Variants in LIMD1 observed in about 807,000 individuals in gnomAD.
LIMD1 encodes LIM domain containing 1, also known as LIM domain-containing protein 1.
In LIMD1, 23 loss-of-function variants were observed where a neutral mutation model predicts 58.4. The observed-to-expected ratio is 0.39, with a 90% CI of 0.28 to 0.56. LIMD1 has a LOEUF of 0.56. LIMD1 is among the 20% of genes least tolerant of loss of function. The pLI is 0.57. For synonymous variants in LIMD1, 334 were observed against 345.5 expected (o/e 0.97, Z 0.37); for missense variants, 838 against 855.5 (o/e 0.98, Z 0.25).
intron 2 of LIMD1, among the ~76,000 whole-genome samples, chr3:45,640,200 C>T (rs61133550): frequency 0.03 from 4,612 of 152,310 alleles, 76 homozygotes; most frequent in Non-Finnish European, 0.041. Context: ...TTATCACTTC[C>T]TGTTTCCTAT....
At chr3:45,643,976 T>C (rs1301417981) in intron 2 of LIMD1, among the ~76,000 whole-genome samples, 1 of 152,212 alleles carries the variant, frequency 6.6e-6, no homozygotes, top group Non-Finnish European at 1.5e-5. Context: ...TTATATACCA[T>C]TGCTCATTTC....
intron 2 of LIMD1, among the ~76,000 whole-genome samples, chr3:45,649,197 T>C (rs919070003): frequency 4.6e-5 from 7 of 152,162 alleles, no homozygotes; most frequent in African/African-American, 1.7e-4. Context: ...AAAGTCTCAC[T>C]TGTCCTCGCA....
intron 1 of LIMD1, among the ~76,000 whole-genome samples, chr3:45,632,922 G>A (rs1463342722): frequency 6.6e-6 from 1 of 152,236 alleles, no homozygotes; most frequent in Non-Finnish European, 1.5e-5. Context: ...AAGATGAGTG[G>A]TGATGCCTCA....
At chr3:45,640,872 TGG>T (rs1194278050) in intron 2 of LIMD1, among the ~76,000 whole-genome samples, 1 of 152,232 alleles carries the variant, frequency 6.6e-6, no homozygotes, top group Non-Finnish European at 1.5e-5. Context: ...CTGTTTGCCC[TGG>T]GGCTGCACAC....
intron 7 of LIMD1, among the ~76,000 whole-genome samples, chr3:45,676,125 C>G (rs1697666696): frequency 6.6e-6 from 1 of 151,958 alleles, no homozygotes; most frequent in Admixed American, 6.5e-5. Flanking sequence ...GTGCATAATC[C>G]CAGCTACTTG....
Position 45,685,179 on chromosome 3 carries a change from T to C in LIMD1, c.*8120T>C, listed in dbSNP as rs1368945543. ...TATAGGAAAAACTTGGCTACAGATA[T>C]GAATTTATATTACCCATCATTGGCT... On this transcript the variant is annotated 3_prime_UTR_variant, in exon 8 of 8. Transcript: ENST00000273317. 2 of 152,220 alleles carry C rather than the reference T, an allele frequency of 1.3e-5. No individual in the cohort carries two copies. The highest frequency in any genetic ancestry group is 2.4e-5 in the African/African-American group (1 of 41,458). 9.4% of individuals were successfully genotyped at this position (152,220 alleles called of 1,614,324 possible).
intron 4 of LIMD1, 58 bp from the exon 5 acceptor site, chr3:45,672,632 C>A: frequency 6.3e-7 from 1 of 1,590,076 alleles, no homozygotes; most frequent in Non-Finnish European, 8.6e-7. Flanking sequence ...TGTTCCTCTC[C>A]CCTTCCACCA....
Position 45,677,997 on chromosome 3 carries a change from T to G in LIMD1, c.*938T>G, listed in dbSNP as rs1220591086. ...CTTTTGGGAAGAGCTGCCCGCATAC[T>G]GAGAGACAGCTTCTTATAAACAAGG... On this transcript the variant is annotated 3_prime_UTR_variant, in exon 8 of 8. Transcript: ENST00000273317. 1 of 152,330 alleles carries G rather than the reference T, an allele frequency of 6.6e-6. No homozygotes were observed. 9.4% of individuals were successfully genotyped at this position (152,330 alleles called of 1,614,324 possible). A position where few individuals can be genotyped will look rare whatever the true frequency, so the allele number is the denominator to read the frequency against.
In LIMD1 at chr3:45,683,808, A is replaced by T. The variant is rs1366016964; in HGVS notation, c.*6749A>T. On this transcript the variant is annotated 3_prime_UTR_variant, in exon 8 of 8. Coordinates refer to ENST00000273317, the MANE Select transcript of LIMD1 (RefSeq NM_014240.3). The stretch of plus-strand genomic sequence containing the variant: ...TTCAATAAATCTCTTTTGTTGCTTC[A>T]TTCTTTACTTGCTTTGTGCGTTTTG... 1 of 152,162 alleles carries T rather than the reference A, an allele frequency of 6.6e-6. No homozygotes were observed. The highest frequency in any genetic ancestry group is 1.5e-5 in the Non-Finnish European group (1 of 68,040). The allele number at this position is 152,162 out of a possible 1,614,324, so 9.4% of individuals were successfully genotyped here.
At chr3:45,636,001 A>G in intron 1 of LIMD1, 149 bp from the exon 2 acceptor site, 1 of 1,504,782 alleles carries the variant, frequency 6.6e-7, no homozygotes, top group Non-Finnish European at 8.8e-7. Flanking sequence ...GGAGAGGGAG[A>G]GAAAGACACT....
chr3:45,648,727 C>T (rs761701500), intron 2 of LIMD1, among the ~76,000 whole-genome samples: 1 of 152,276 alleles, frequency 6.6e-6, no homozygotes, highest in Non-Finnish European at 1.5e-5. Context: ...ACATCCTTGC[C>T]AACGCTTAGG....
chr3:45,649,696 A>G (rs1701944158), intron 2 of LIMD1, among the ~76,000 whole-genome samples: 2 of 133,286 alleles, frequency 1.5e-5, no homozygotes, highest in Non-Finnish European at 3.3e-5. Context: ...AAAAAAAATT[A>G]TATATATGTA....
At position 45,594,802 on chromosome 3, in the gene LIMD1, C is replaced by CACACACACACACGGCACCTGG. The variant is rs1701318647; in HGVS notation, c.-66_-65insGGCACCTGGACACACACACAC. ...CAACACACACACACACACACACACA[C>CACACACACACACGGCACCTGG]ACACACACACACACACACACACACA... On this transcript the variant is annotated 5_prime_UTR_variant, in exon 1 of 8. Transcript: ENST00000273317. The CACACACACACACGGCACCTGG allele has an allele frequency of 3.1e-5, 6 of 193,336 alleles. No individual in the cohort carries two copies. The highest frequency in any genetic ancestry group is 2.0e-4 in the African/African-American group (6 of 30,262). The allele number at this position is 193,336 out of a possible 1,614,324, so 12.0% of individuals were successfully genotyped here.
intron 1 of LIMD1, among the ~76,000 whole-genome samples, chr3:45,623,693 G>A (rs529704605): frequency 2.0e-5 from 3 of 152,222 alleles, no homozygotes; most frequent in South Asian, 2.1e-4. Context: ...ACCCATTGAC[G>A]TGAGAGCTGC....
At chr3:45,618,815 G>A (rs1487779622) in intron 1 of LIMD1, among the ~76,000 whole-genome samples, 1 of 152,172 alleles carries the variant, frequency 6.6e-6, no homozygotes, top group African/African-American at 2.4e-5. Context: ...CACTGCAGGA[G>A]GGAGGCTGTG....
chr3:45,599,303 T>A (rs2125647036), intron 1 of LIMD1, among the ~76,000 whole-genome samples: 1 of 133,270 alleles, frequency 7.5e-6, no homozygotes, highest in Middle Eastern at 3.6e-3. Flanking sequence ...GGAAACCCCA[T>A]ACCCATAAAG....
At chr3:45,661,596 T>C (rs531275757) in intron 2 of LIMD1, among the ~76,000 whole-genome samples, 11 of 152,382 alleles carry the variant, frequency 7.2e-5, no homozygotes, top group African/African-American at 2.6e-4. Flanking sequence ...TTGTAAATTC[T>C]ACTGACATTT....
chr3:45,655,303 G>A (rs1049260486), intron 2 of LIMD1, among the ~76,000 whole-genome samples: 5 of 152,102 alleles, frequency 3.3e-5, no homozygotes, highest in African/African-American at 9.7e-5. Context: ...CTGTAAAAAT[G>A]GTCTATTGAG....
At chr3:45,598,861 G>C (rs1437152877) in intron 1 of LIMD1, among the ~76,000 whole-genome samples, 2 of 152,172 alleles carry the variant, frequency 1.3e-5, no homozygotes, top group Admixed American at 6.5e-5. Context: ...CTGTAGGCCT[G>C]GTCTGTGCTG....
Sources: gnomAD v4.1 joint callset for allele counts (sites outside exome capture counted in the v4.1 genomes callset) on GRCh38, gnomAD v4.1.1 for gene constraint, MANE v1.5 for transcripts, NCBI Gene and HGNC (gene_info 2026-07-23, HGNC 2026-07-21) for gene names.